The following NDUFAF6 variants were observed in gnomAD, a reference collection of about 807,000 sequenced individuals.
The protein encoded by NDUFAF6 is NADH dehydrogenase (ubiquinone) complex I, assembly factor 6.
A neutral mutation model predicts 40.8 loss-of-function variants in NDUFAF6; 45 were observed. The ratio of observed to expected loss-of-function variants is 1.10; its 90% CI spans 0.87 to 1.42. NDUFAF6 has a LOEUF of 1.42. Among genes scored for constraint, NDUFAF6 ranks in the 40% most tolerant of loss-of-function variants. NDUFAF6 has a pLI of 0.00. For synonymous variants in NDUFAF6, 185 were observed against 155.9 expected (o/e 1.19, Z -1.39); for missense variants, 435 against 418.5 (o/e 1.04, Z -0.34).
intron 5 of NDUFAF6, among the ~76,000 whole-genome samples, chr8:95,046,041 A>ATTTTATTTTTT (rs1554676290): frequency 6.6e-6 from 1 of 151,234 alleles, no homozygotes; most frequent in African/African-American, 2.4e-5. Context: ...CATTTATTTT[A>ATTTTATTTTTT]TTTTATTTTA....
chr8:94,899,782 T>C (rs1175840932), intron 1 of NDUFAF6, among the ~76,000 whole-genome samples: 1 of 152,236 alleles, frequency 6.6e-6, no homozygotes, highest in Non-Finnish European at 1.5e-5. Flanking sequence ...CATTGCCTCT[T>C]GCAGTCTGCC....
At chr8:95,105,652 C>G (rs974016549), downstream of NDUFAF6, among the ~76,000 whole-genome samples, 1 of 152,096 alleles carries the variant, frequency 6.6e-6, no homozygotes. Flanking sequence ...CAGACATGCG[C>G]CACCATGTTC....
chr8:95,117,093 A>G (rs1810151427), downstream of NDUFAF6, among the ~76,000 whole-genome samples: 1 of 152,210 alleles, frequency 6.6e-6, no homozygotes, highest in Non-Finnish European at 1.5e-5. Flanking sequence ...TGTATCCAGG[A>G]GCATGGGATA....
Position 95,092,716 on chromosome 8 carries a change from C to T in NDUFAF6, n.214-8416C>T, listed in dbSNP as rs529926513. On this transcript the variant is annotated intron_variant and non_coding_transcript_variant, in intron 2 of 5. Coordinates refer to the NDUFAF6 transcript ENST00000523184. ...TCTCCTGCCTCAGCCTCCTGAGTAG[C>T]TGGGACTACAGGTGTGTGCCACCAC... Among the ~76,000 whole-genome samples the T allele has an allele frequency of 6.6e-5, 10 of 151,496 alleles. No homozygotes were observed. In the South Asian group the frequency reaches 2.1e-3, roughly 32 times the overall value.
At chr8:94,920,432 G>A (rs1819422860) in intron 1 of NDUFAF6, among the ~76,000 whole-genome samples, 1 of 152,206 alleles carries the variant, frequency 6.6e-6, no homozygotes, top group Admixed American at 6.5e-5. Flanking sequence ...AGGAGGAGGG[G>A]AGGGCCAAGC....
chr8:95,004,093 C>T (rs888147370), intron 2 of NDUFAF6, among the ~76,000 whole-genome samples: 4 of 152,118 alleles, frequency 2.6e-5, no homozygotes, highest in African/African-American at 9.7e-5. Context: ...ACTTCTCCAC[C>T]TGGGGAGGCT....
intron 1 of NDUFAF6, among the ~76,000 whole-genome samples, chr8:94,897,419 TAAAA>T (rs1165697603): frequency 6.6e-6 from 1 of 152,134 alleles, no homozygotes; most frequent in Non-Finnish European, 1.5e-5. Context: ...GTGGGTCTGT[TAAAA>T]AAAGAGAAAA....
At chr8:94,926,137 A>G (rs970146335) in intron 1 of NDUFAF6, 2 of 152,618 alleles carry the variant, frequency 1.3e-5, no homozygotes, top group African/African-American at 4.8e-5. Context: ...TGTGTACAAA[A>G]CTGACCATCT....
chr8:95,095,746 C>A (rs1002132901), upstream of NDUFAF6, among the ~76,000 whole-genome samples: 3 of 151,904 alleles, frequency 2.0e-5, no homozygotes, highest in African/African-American at 7.3e-5. Context: ...CTCATTGCAA[C>A]CTCTGCCCCC....
At chr8:95,041,519 G>T in intron 3 of NDUFAF6, 51 bp from the exon 4 acceptor site, 1 of 1,276,628 alleles carries the variant, frequency 7.8e-7, no homozygotes, top group Non-Finnish European at 1.1e-6. Flanking sequence ...CAGATCTACA[G>T]AAGTCATTTC....
intron 1 of NDUFAF6, among the ~76,000 whole-genome samples, chr8:94,936,025 T>C (rs1009049803): frequency 6.6e-6 from 1 of 152,196 alleles, no homozygotes. Flanking sequence ...ATCTGTCTGA[T>C]AGTCTTATGT....
At chr8:94,896,737 C>G (rs953809011) in intron 1 of NDUFAF6, 1 of 152,122 alleles carries the variant, frequency 6.6e-6, no homozygotes, top group Non-Finnish European at 1.5e-5. Context: ...CGCTCCCGCC[C>G]GGCCTTTTGT....
chr8:94,988,176 A>T (rs1826024976), intron 2 of NDUFAF6, among the ~76,000 whole-genome samples: 1 of 152,138 alleles, frequency 6.6e-6, no homozygotes, highest in Non-Finnish European at 1.5e-5. Context: ...TTGCTTTGTC[A>T]CCCAGAGGTA....
At chr8:95,003,789 T>C (rs868277292) in intron 2 of NDUFAF6, among the ~76,000 whole-genome samples, 1 of 152,358 alleles carries the variant, frequency 6.6e-6, no homozygotes, top group Middle Eastern at 3.4e-3. Context: ...AAGTTTTTTA[T>C]TGTGGTAAAA....
intron 6 of NDUFAF6, among the ~76,000 whole-genome samples, chr8:95,047,558 G>GGAGTGCAGT (rs1830932888): frequency 7.2e-6 from 1 of 139,526 alleles, no homozygotes; most frequent in Non-Finnish European, 1.5e-5. Flanking sequence ...CACCCAGGCT[G>GGAGTGCAGT]GAGTGCAGTG....
At chr8:94,946,439 G>A (rs1407005455) in intron 2 of NDUFAF6, among the ~76,000 whole-genome samples, 1 of 151,900 alleles carries the variant, frequency 6.6e-6, no homozygotes, top group African/African-American at 2.4e-5. Context: ...AGTGGCTCAT[G>A]TCTATAATCC....
At chr8:95,029,187 T>C (rs184270401) in intron 1 of NDUFAF6, among the ~76,000 whole-genome samples, 5 of 152,322 alleles carry the variant, frequency 3.3e-5, no homozygotes, top group African/African-American at 1.2e-4. Context: ...TATTAAATAT[T>C]GTTTTATAAG....
At chr8:94,906,421 T>C (rs923390875) in intron 1 of NDUFAF6, among the ~76,000 whole-genome samples, 1 of 152,188 alleles carries the variant, frequency 6.6e-6, no homozygotes, top group Admixed American at 6.5e-5. Flanking sequence ...TTTCTGCTGG[T>C]ATAAGAACCT....
upstream of NDUFAF6, among the ~76,000 whole-genome samples, chr8:94,956,996 C>A (rs1029548365): frequency 6.6e-6 from 1 of 151,938 alleles, no homozygotes; most frequent in African/African-American, 2.4e-5. Context: ...TGTGGTGAAA[C>A]CCCATCTCTA....
Sources: allele counts gnomAD v4.1 joint callset (sites outside exome capture counted in the v4.1 genomes callset), GRCh38; gene constraint gnomAD v4.1.1; transcripts MANE v1.5; gene names NCBI Gene and HGNC (gene_info 2026-07-23, HGNC 2026-07-21).